Variants in ASCC3 observed in about 807,000 individuals in gnomAD.
ASCC3 encodes the protein activating signal cointegrator 1 complex subunit 3.
Under a neutral mutation model 256.3 loss-of-function variants are expected in ASCC3, and 158 were observed. The observed-to-expected ratio is 0.62, with a 90% CI of 0.54 to 0.70. The LOEUF (loss-of-function observed/expected upper bound fraction) is 0.70, where lower values mean the gene tolerates loss of function less well. Among genes scored for constraint, ASCC3 ranks in the 30% least tolerant of loss-of-function variants. The pLI is 0.00. For synonymous variants in ASCC3, 948 were observed against 883.4 expected (o/e 1.07, Z -1.30); for missense variants, 2,259 against 2,626.0 (o/e 0.86, Z 3.05).
intron 34 of ASCC3, among the ~76,000 whole-genome samples, chr6:100,595,170 T>C (rs964494405): frequency 6.6e-6 from 1 of 152,096 alleles, no homozygotes; most frequent in African/African-American, 2.4e-5. Flanking sequence ...TAATAATGTA[T>C]TGTGTATTTT....
At chr6:100,745,302 G>C (rs1321661828) in intron 10 of ASCC3, among the ~76,000 whole-genome samples, 1 of 151,912 alleles carries the variant, frequency 6.6e-6, no homozygotes, top group African/African-American at 2.4e-5. Flanking sequence ...ACTCCAGCCT[G>C]GGTGACAGAG....
chr6:100,518,840 T>A (rs1158087592), intron 37 of ASCC3, among the ~76,000 whole-genome samples: 3 of 152,168 alleles, frequency 2.0e-5, no homozygotes, highest in African/African-American at 7.2e-5. Context: ...TTAAATTAGA[T>A]TCTGGAGAAT....
At chr6:100,575,955 T>G (rs996800137) in intron 36 of ASCC3, among the ~76,000 whole-genome samples, 1 of 152,072 alleles carries the variant, frequency 6.6e-6, no homozygotes, top group African/African-American at 2.4e-5. Flanking sequence ...ACTCTGGACT[T>G]CGGATTTCAG....
intron 36 of ASCC3, among the ~76,000 whole-genome samples, chr6:100,560,376 T>C (rs575090976): frequency 2.6e-5 from 4 of 152,284 alleles, no homozygotes; most frequent in Admixed American, 6.5e-5. Context: ...CATGTATTTA[T>C]ACATCTAACA....
rs180772413 is a variant in ASCC3, at chr6:100,778,537, G to T, written c.1396-11192C>A. 2.0e-3 allele frequency among the ~76,000 whole-genome samples: 304 copies of T among 151,994 alleles called. 2 individuals are homozygous for T. Among genetic ancestry groups the T allele is most frequent in the Non-Finnish European group, 3.3e-3 (222 of 67,946 alleles). ...AGAAATCTTCTTTTTGTCAATTAGG[G>T]TTTATCAACTGTATTTGTGGTCAAT... On this transcript the variant is annotated intron_variant, in intron 8 of 41. Coordinates refer to ENST00000369162, the MANE Select transcript of ASCC3 (RefSeq NM_006828.4).
At chr6:100,817,363 A>C (rs1159922279) in intron 4 of ASCC3, among the ~76,000 whole-genome samples, 1 of 151,760 alleles carries the variant, frequency 6.6e-6, no homozygotes, top group Non-Finnish European at 1.5e-5. Flanking sequence ...CAACCTTAAG[A>C]CACTGGAAAA....
intron 12 of ASCC3, among the ~76,000 whole-genome samples, chr6:100,715,863 G>A (rs1779064833): frequency 6.6e-6 from 1 of 151,626 alleles, no homozygotes; most frequent in Admixed American, 6.6e-5. Flanking sequence ...CTGCTTTTCT[G>A]AGAAGCCCAT....
At chr6:100,679,596 T>C (rs1777189992) in intron 14 of ASCC3, 22 bp downstream of exon 14, 5 of 1,613,082 alleles carry the variant, frequency 3.1e-6, no homozygotes, top group Admixed American at 3.3e-5. Flanking sequence ...ATGCTTTAGT[T>C]CTTGTCCTCT....
At chr6:100,712,751 CTTTTTTTT>C (rs58286754) in intron 13 of ASCC3, among the ~76,000 whole-genome samples, 8 of 69,750 alleles carry the variant, frequency 1.1e-4, no homozygotes, top group South Asian at 7.4e-4. Context: ...CAATTATACT[CTTTTTTTT>C]TTTTTTTTTT....
At chr6:100,627,449 A>T in intron 29 of ASCC3, 141 bp downstream of exon 29, 1 of 1,103,738 alleles carries the variant, frequency 9.1e-7, no homozygotes, top group Non-Finnish European at 1.3e-6. Context: ...TGTATTCCTT[A>T]ACAGTTGAGA....
chr6:100,588,328 G>T (rs984997175), intron 36 of ASCC3, among the ~76,000 whole-genome samples: 11 of 152,054 alleles, frequency 7.2e-5, no homozygotes, highest in African/African-American at 2.4e-4. Flanking sequence ...AAATACGAAA[G>T]AAGTTATATT....
At chr6:100,567,801 T>C (rs1368693894) in intron 36 of ASCC3, among the ~76,000 whole-genome samples, 1 of 152,206 alleles carries the variant, frequency 6.6e-6, no homozygotes, top group Non-Finnish European at 1.5e-5. Flanking sequence ...CCACTGTTCA[T>C]GGGCACTTAG....
intron 10 of ASCC3, among the ~76,000 whole-genome samples, chr6:100,727,649 T>TAAC (rs146240380): frequency 8.3e-5 from 5 of 60,478 alleles, no homozygotes; most frequent in African/African-American, 1.9e-4. Context: ...TCTGGGTTTG[T>TAAC]AACAACAACA....
At chr6:100,651,528 A>T (rs1775668115) in intron 19 of ASCC3, 32 bp downstream of exon 19, 1 of 1,337,286 alleles carries the variant, frequency 7.5e-7, no homozygotes, top group African/African-American at 1.4e-5. Flanking sequence ...TACATGTTGT[A>T]TGCATTTGAT....
intron 4 of ASCC3, among the ~76,000 whole-genome samples, chr6:100,810,000 C>T (rs1298669090): frequency 2.0e-5 from 3 of 152,200 alleles, no homozygotes; most frequent in African/African-American, 4.8e-5. Flanking sequence ...AATCTGTTCA[C>T]ATAATACCAT....
chr6:100,835,508 C>T (rs967942259), intron 4 of ASCC3, among the ~76,000 whole-genome samples: 2 of 152,130 alleles, frequency 1.3e-5, no homozygotes, highest in African/African-American at 4.8e-5. Context: ...GCTTTTCCAG[C>T]TCCATTTATT....
chr6:100,560,353 T>C (rs1404827665), intron 36 of ASCC3, among the ~76,000 whole-genome samples: 1 of 152,158 alleles, frequency 6.6e-6, no homozygotes, highest in Non-Finnish European at 1.5e-5. Context: ...TTTGAGCTAC[T>C]TAAATTTGCA....
At chr6:100,753,616 G>T (rs947730154) in intron 10 of ASCC3, among the ~76,000 whole-genome samples, 9 of 151,908 alleles carry the variant, frequency 5.9e-5, no homozygotes, top group Non-Finnish European at 1.0e-4. Flanking sequence ...GGGCTTAAGT[G>T]ATCCTCCTGC....
intron 36 of ASCC3, among the ~76,000 whole-genome samples, chr6:100,545,756 A>AT (rs1315455879): frequency 3.9e-5 from 6 of 152,212 alleles, no homozygotes; most frequent in African/African-American, 1.2e-4. Context: ...TAAAAAAAAT[A>AT]TTTTTTGTAG....
Sources: allele counts gnomAD v4.1 joint callset (sites outside exome capture counted in the v4.1 genomes callset), GRCh38; gene constraint gnomAD v4.1.1; transcripts MANE v1.5; gene names NCBI Gene and HGNC (gene_info 2026-07-23, HGNC 2026-07-21).